The following SLIT1 variants were observed in gnomAD, a reference collection of about 807,000 sequenced individuals.
SLIT1 encodes slit guidance ligand 1.
A neutral mutation model predicts 186.1 loss-of-function variants in SLIT1; 66 were observed. The observed-to-expected ratio is 0.35, with a 90% CI of 0.29 to 0.44. The LOEUF is 0.44. Ranked by LOEUF, SLIT1 falls within the 20% of genes least tolerant of loss-of-function variation. SLIT1 has a pLI of 1.00. For synonymous variants in SLIT1, 761 were observed against 833.8 expected (o/e 0.91, Z 1.50); for missense variants, 1,638 against 2,037.4 (o/e 0.80, Z 3.77).
intron 36 of SLIT1, among the ~76,000 whole-genome samples, chr10:97,001,824 C>T (rs923165662): frequency 2.0e-5 from 3 of 152,114 alleles, no homozygotes; most frequent in Admixed American, 6.5e-5. Context: ...CCCCAACCCT[C>T]GGACTTCCTG....
intron 4 of SLIT1, among the ~76,000 whole-genome samples, chr10:97,146,917 G>C (rs1345736012): frequency 8.5e-6 from 1 of 117,332 alleles, no homozygotes. Context: ...TGGTGGAAAA[G>C]GCATTGCCTT....
chr10:97,116,978 G>A (rs1024765978), intron 4 of SLIT1, among the ~76,000 whole-genome samples: 10 of 152,164 alleles, frequency 6.6e-5, no homozygotes, highest in African/African-American at 2.4e-4. Context: ...TGAGGTAACA[G>A]GAAAGCATAT....
chr10:97,012,498 C>T (rs1848420449), intron 30 of SLIT1, among the ~76,000 whole-genome samples: 1 of 152,220 alleles, frequency 6.6e-6, no homozygotes. Context: ...ACCCCGGGTC[C>T]GGAGCTAAGC....
chr10:97,007,414 G>A (rs1401564603), intron 31 of SLIT1, among the ~76,000 whole-genome samples: 2 of 152,070 alleles, frequency 1.3e-5, no homozygotes, highest in East Asian at 3.9e-4. Context: ...AATAAAAAAT[G>A]AGGGAACACT....
chr10:97,028,031 G>A (rs987048900), intron 25 of SLIT1, among the ~76,000 whole-genome samples: 4 of 152,208 alleles, frequency 2.6e-5, no homozygotes, highest in Admixed American at 6.5e-5. Context: ...TGTGGTCCCA[G>A]GGTAGCAGCA....
At chr10:97,077,654 C>T (rs1358523952) in intron 4 of SLIT1, among the ~76,000 whole-genome samples, 2 of 152,180 alleles carry the variant, frequency 1.3e-5, no homozygotes, top group East Asian at 3.8e-4. Flanking sequence ...AGGCTTCCAA[C>T]TGCCGCTACT....
intron 4 of SLIT1, among the ~76,000 whole-genome samples, chr10:97,114,881 A>G (rs1164690180): frequency 6.6e-6 from 1 of 152,254 alleles, no homozygotes; most frequent in Non-Finnish European, 1.5e-5. Context: ...GGGGATAATA[A>G]TAATTCCAGC....
In SLIT1 at chr10:96,999,353, C is replaced by T. The variant is rs535526357; in HGVS notation, c.*1759G>A. ...ACTCACAGTTGCTAGATTGAGTCCC[C>T]ATGGCATGAGACATGCCAGGCACCT... On this transcript the variant is annotated 3_prime_UTR_variant, in exon 37 of 37. Coordinates refer to ENST00000266058, the MANE Select transcript of SLIT1 (RefSeq NM_003061.3). 6 of 152,492 alleles carry T rather than the reference C, an allele frequency of 3.9e-5. No homozygotes were observed. The highest frequency in any genetic ancestry group is 1.2e-4 in the African/African-American group (5 of 41,578). The allele number at this position is 152,492 out of a possible 1,614,324, so 9.4% of individuals were successfully genotyped here.
intron 28 of SLIT1, among the ~76,000 whole-genome samples, chr10:97,017,337 G>C (rs1848462747): frequency 6.6e-6 from 1 of 152,246 alleles, no homozygotes; most frequent in African/African-American, 2.4e-5. Flanking sequence ...TGCAGAGGCA[G>C]GCTCAGCCAT....
At chr10:97,044,130 A>G (rs867842420) in intron 18 of SLIT1, among the ~76,000 whole-genome samples, 1 of 152,268 alleles carries the variant, frequency 6.6e-6, no homozygotes, top group African/African-American at 2.4e-5. Flanking sequence ...AGCCTGATGC[A>G]GTGGCTCATG....
rs1564661928 is a variant in SLIT1, at chr10:97,048,936, TGGGCAGGC to T, written c.1465+11_1465+18del. 3 of 1,601,722 alleles carry T rather than the reference TGGGCAGGC, an allele frequency of 1.9e-6. No individual in the cohort carries two copies. Among genetic ancestry groups the T allele is most frequent in the South Asian group, 1.1e-5 (1 of 90,944 alleles). On this transcript the variant is annotated intron_variant, in intron 14 of 36. Coordinates refer to ENST00000266058, the MANE Select transcript of SLIT1 (RefSeq NM_003061.3). ...GCAGGTAGGTGGACAGGTGGGCAGG[TGGGCAGGC>T]GGGCAGGTACCTGAGCACCGGAACT...
chr10:97,119,209 C>T (rs996722509), intron 4 of SLIT1, among the ~76,000 whole-genome samples: 2 of 152,206 alleles, frequency 1.3e-5, no homozygotes, highest in African/African-American at 4.8e-5. Context: ...CCTCAGGGAA[C>T]CCCACCCTCA....
chr10:97,084,145 T>C (rs1212106657), intron 4 of SLIT1, among the ~76,000 whole-genome samples: 2 of 152,196 alleles, frequency 1.3e-5, no homozygotes, highest in African/African-American at 4.8e-5. Flanking sequence ...TGACCACCAT[T>C]GTGAATATCA....
intron 1 of SLIT1, among the ~76,000 whole-genome samples, chr10:97,179,803 CCG>C (rs1850308345): frequency 2.7e-5 from 4 of 149,264 alleles, no homozygotes; most frequent in Non-Finnish European, 4.5e-5. Context: ...CACACCCTCC[CCG>C]CCCCCCGGCA....
chr10:97,061,959 G>T (rs1049665067), intron 8 of SLIT1, among the ~76,000 whole-genome samples: 3 of 152,172 alleles, frequency 2.0e-5, no homozygotes, highest in Non-Finnish European at 4.4e-5. Context: ...TGGATTCCTG[G>T]CATATTGTGA....
intron 3 of SLIT1, among the ~76,000 whole-genome samples, chr10:97,161,047 T>C (rs1261119099): frequency 6.6e-6 from 1 of 152,142 alleles, no homozygotes; most frequent in Non-Finnish European, 1.5e-5. Flanking sequence ...TTTTAATGAC[T>C]CTGCACTTTA....
intron 23 of SLIT1, among the ~76,000 whole-genome samples, chr10:97,034,113 C>A (rs749412336): frequency 9.2e-5 from 14 of 152,218 alleles, no homozygotes; most frequent in Non-Finnish European, 1.6e-4. Flanking sequence ...GATTCACCTG[C>A]CTCTGCCTCC....
intron 22 of SLIT1, 109 bp from the exon 23 acceptor site, chr10:97,034,651 G>A: frequency 1.0e-6 from 1 of 998,588 alleles, no homozygotes; most frequent in South Asian, 1.3e-5. Flanking sequence ...CCCCAGCCAG[G>A]TTGGCCAGGG....
At chr10:97,025,811 A>G (rs1294917502) in intron 25 of SLIT1, among the ~76,000 whole-genome samples, 3 of 152,216 alleles carry the variant, frequency 2.0e-5, no homozygotes, top group African/African-American at 7.2e-5. Flanking sequence ...CGTAACCTGG[A>G]CTGAAATAGC....
Sources: gnomAD v4.1 joint callset for allele counts (sites outside exome capture counted in the v4.1 genomes callset) on GRCh38, gnomAD v4.1.1 for gene constraint, MANE v1.5 for transcripts, NCBI Gene and HGNC (gene_info 2026-07-23, HGNC 2026-07-21) for gene names.